The following NAGLU variants were observed in gnomAD, a reference collection of about 807,000 sequenced individuals.
NAGLU encodes the protein alpha-N-acetylglucosaminidase.
In NAGLU, 34 loss-of-function variants were observed where a neutral mutation model predicts 43.4. The ratio of observed to expected loss-of-function variants is 0.78; its 90% confidence interval spans 0.60 to 1.04. NAGLU has a LOEUF of 1.04. NAGLU is among the 50% of genes least tolerant of loss of function. NAGLU has a pLI of 0.00. For synonymous variants in NAGLU, 425 were observed against 437.6 expected, an observed-to-expected ratio of 0.97 and a Z score of 0.36; for missense variants, 910 against 993.7, an observed-to-expected ratio of 0.92 and a Z score of 1.13.
At chr17:42,536,874 G>T (rs1027743951) in intron 1 of NAGLU, 18 of 966,992 alleles carry the variant, frequency 1.9e-5, no homozygotes, top group Non-Finnish European at 1.6e-5. Context: ...CAGTGTTATT[G>T]TGAGGATTTG....
Position 42,540,728 on chromosome 17 carries a change from G to GTTGCTTGT in NAGLU, c.765-219_765-212dup, listed in dbSNP as rs1399038430. Among the ~76,000 whole-genome samples the GTTGCTTGT allele has an allele frequency of 6.6e-4, 100 of 151,372 alleles. 1 individual carries two copies. Among genetic ancestry groups the GTTGCTTGT allele is most frequent in the Non-Finnish European group, 1.1e-3 (74 of 67,826 alleles). On this transcript the variant is annotated intron_variant, in intron 4 of 5. Coordinates refer to ENST00000225927, the MANE Select transcript of NAGLU (RefSeq NM_000263.4). ...AAAAAAAAAAGAAAGAAAAAGGAGCGTTGCTTGTTTCAGGCCACAGGAAGG... is the reference window on the plus strand; with the variant it reads ...AAAAAAAAAAGAAAGAAAAAGGAGCGTTGCTTGTTTGCTTGTTTCAGGCCACAGGAAGG...
At position 42,536,555 on chromosome 17, in the gene NAGLU, G is replaced by C. The variant is rs1169121244; in HGVS notation, c.283G>C (p.Asp95His). Residue 95 changes from aspartate (D) to histidine (H), a missense_variant, in exon 1 of 6, where the codon GAC becomes CAC. Transcript: ENST00000225927. ...CGCGGGGCTGCACCGCTACCTGCGC[G>C]ACTTCTGTGGCTGCCACGTGGCCTG... is the stretch of plus-strand genomic sequence containing the variant. ...AAAGLHRYLR[D>H]FCGCHVAWSG... 5 of 1,473,634 alleles carry C rather than the reference G, an allele frequency of 3.4e-6. No individual in the cohort carries two copies. The highest frequency in any genetic ancestry group is 4.5e-6 in the Non-Finnish European group (5 of 1,118,942). 91.3% of individuals were successfully genotyped at this position (1,473,634 alleles called of 1,614,324 possible).
rs149434978 is a variant in NAGLU at position 42,541,221 on chromosome 17, T to G, written c.1021+15T>G. 67 of 1,611,302 alleles carry G rather than the reference T, an allele frequency of 4.2e-5. No individual in the cohort carries two copies. In the Admixed American group the frequency reaches 7.5e-4, roughly 18 times the overall value. On this transcript the variant is annotated intron_variant, in intron 5 of 5. Coordinates refer to ENST00000225927, the MANE Select transcript of NAGLU (RefSeq NM_000263.4). ...CATGACTGCAGGTACAGTGCCTGGG[T>G]GGGGTGGGAGAGCCCCCCAGACCCT...
At chr17:42,538,260 A>G (rs1262343553) in intron 2 of NAGLU, 79 bp from the exon 3 acceptor site, 2 of 1,606,272 alleles carry the variant, frequency 1.2e-6, no homozygotes, top group African/African-American at 1.3e-5. Context: ...ACAAAGAAGC[A>G]ATGAGTGAAT....
intron 5 of NAGLU, 149 bp from the exon 6 acceptor site, chr17:42,542,879 A>C: frequency 4.3e-6 from 5 of 1,176,196 alleles, no homozygotes; most frequent in Non-Finnish European, 6.2e-6. Flanking sequence ...TTTCAGAGGG[A>C]CGCGTATGTG....
At chr17:42,540,886 T>G (rs1010563406) in intron 4 of NAGLU, 64 bp from the exon 5 acceptor site, 2 of 1,613,448 alleles carry the variant, frequency 1.2e-6, no homozygotes, top group Non-Finnish European at 1.7e-6. Context: ...GGCAAGGCTG[T>G]TGAACACTAT....
At chr17:42,538,507 G>A in intron 3 of NAGLU, 22 bp downstream of exon 3, 1 of 1,613,796 alleles carries the variant, frequency 6.2e-7, no homozygotes. Context: ...GAAAAGGGAA[G>A]GGGCAGAATC....
rs2143098501 is a variant in NAGLU, at chr17:42,541,028, G to C, written c.843G>C (p.Leu281=). The part of the protein sequence containing the change: ...FNCSYSCSFL[L]APEDPIFPII... ...GTTCCTACTCCTGCTCCTTCCTTCT[G>C]GCTCCGGAAGACCCCATATTCCCCA... is the stretch of plus-strand genomic sequence containing the variant. Residue 281 remains leucine, a synonymous_variant, in exon 5 of 6, where the codon CTG becomes CTC. Transcript: ENST00000225927. The C allele has an allele frequency of 6.2e-7, 1 of 1,614,178 alleles. No homozygotes were observed. Among genetic ancestry groups the C allele is most frequent in the Non-Finnish European group, 8.5e-7 (1 of 1,180,040 alleles).
At position 42,536,433 on chromosome 17, in the gene NAGLU, G is replaced by A; in HGVS notation, c.161G>A (p.Arg54His). The A allele has an allele frequency of 8.0e-7, 1 of 1,254,528 alleles. No individual in the cohort carries two copies. The highest frequency in any genetic ancestry group is 1.0e-6 in the Non-Finnish European group (1 of 990,410). 77.7% of individuals were successfully genotyped at this position (1,254,528 alleles called of 1,614,324 possible). The change falls in exon 1 of 6, where the codon CGC (arginine) becomes CAC (histidine). Residue 54 changes from arginine (R) to histidine (H), a missense_variant. Arg to His is a conservative substitution (Grantham distance 29). Transcript: ENST00000225927. Reference sequence around the variant, plus strand: ...GCCGACTTCTCCGTGTCGGTGGAGCGCGCTCTGGCTGCCAAGCCGGGCTTG... The same window carrying A: ...GCCGACTTCTCCGTGTCGGTGGAGCACGCTCTGGCTGCCAAGCCGGGCTTG... ...PAADFSVSVE[R>H]ALAAKPGLDT...
intron 5 of NAGLU, among the ~76,000 whole-genome samples, chr17:42,542,614 C>T (rs890632307): frequency 6.6e-6 from 1 of 152,256 alleles, no homozygotes; most frequent in Non-Finnish European, 1.5e-5. Flanking sequence ...GTGCCTCTAC[C>T]TCCCGAGTAG....
In NAGLU at chr17:42,543,768, C is replaced by G. The variant is rs1356196663; in HGVS notation, c.1762C>G (p.Leu588Val). Residue 588 changes from leucine to valine, a missense_variant, in exon 6 of 6, where the codon CTG (leucine) becomes GTG (valine). By Grantham distance (32) the Leu-to-Val change is conservative (BLOSUM62 1). Transcript: ENST00000225927. ...EARSAYLSKE[L>V]ASLLRAGGVL... Reference sequence around the variant, plus strand: ...AAGAAGCGCCTACCTGAGCAAGGAGCTGGCCTCCCTGTTGAGGGCTGGAGG... The same window carrying G: ...AAGAAGCGCCTACCTGAGCAAGGAGGTGGCCTCCCTGTTGAGGGCTGGAGG... The G allele has an allele frequency of 6.2e-7, 1 of 1,610,602 alleles. No homozygotes were observed. The highest frequency in any genetic ancestry group is 2.2e-5 in the East Asian group (1 of 44,848).
Position 42,543,458 on chromosome 17 carries a change from G to T in NAGLU, c.1452G>T (p.Gly484=). ...CCAGCTTTGCCGCCCGGCGGTATGG[G>T]GTCTCCCACCCGGACGCAGGGGCAG... ...WVTSFAARRY[G]VSHPDAGAAW... Residue 484 remains glycine (G), a synonymous_variant, in exon 6 of 6, where the codon GGG becomes GGT. Coordinates refer to ENST00000225927, the MANE Select transcript of NAGLU (RefSeq NM_000263.4). 1 of 1,599,528 alleles carries T rather than the reference G, an allele frequency of 6.3e-7. No homozygotes were observed.
At chr17:42,536,874 G>A (rs1027743951) in intron 1 of NAGLU, 19 of 966,992 alleles carry the variant, frequency 2.0e-5, no homozygotes, top group Non-Finnish European at 2.6e-5. Context: ...CAGTGTTATT[G>A]TGAGGATTTG....
At chr17:42,537,313 CCTCTA>C in intron 1 of NAGLU, 80 bp from the exon 2 acceptor site, 1 of 1,603,052 alleles carries the variant, frequency 6.2e-7, no homozygotes, top group Non-Finnish European at 8.5e-7. Context: ...CCTCCCCTCT[CCTCTA>C]GGTGGGGGAT....
Position 42,541,307 on chromosome 17 carries a change from G to A in NAGLU, c.1021+101G>A, listed in dbSNP as rs1386430149. ...GGCAGAGGGACTGGAATAATGCCTC[G>A]CCATAACACACAGTACTTCATAGTT... is the stretch of plus-strand genomic sequence containing the variant. On this transcript the variant is annotated intron_variant, in intron 5 of 5. Coordinates refer to ENST00000225927, the MANE Select transcript of NAGLU (RefSeq NM_000263.4). 31 of 1,482,334 alleles carry A rather than the reference G, an allele frequency of 2.1e-5. 1 individual carries two copies. The East Asian group carries it at 2.3e-4, about 11-fold the overall frequency. 91.8% of individuals were successfully genotyped at this position (1,482,334 alleles called of 1,614,324 possible).
chr17:42,537,236 C>G (rs2143080629), intron 1 of NAGLU, 162 bp from the exon 2 acceptor site: 2 of 1,049,858 alleles, frequency 1.9e-6, no homozygotes, highest in Non-Finnish European at 2.8e-6. Context: ...AGCCCAGCCC[C>G]GGTACCTGGT....
chr17:42,539,589 C>T (rs1209091803), intron 4 of NAGLU, among the ~76,000 whole-genome samples: 2 of 152,258 alleles, frequency 1.3e-5, no homozygotes, highest in Admixed American at 6.5e-5. Context: ...TGGCAGGAAA[C>T]TCACTCATTC....
chr17:42,543,688 T>G lies in NAGLU; in HGVS notation c.1682T>G (p.Leu561Arg), dbSNP rs2092928624. ...ATSPAFRYDLLDLTRQAVQEL... is the reference protein window; with the variant it reads ...ATSPAFRYDLRDLTRQAVQEL... ...AGCCCCGCCTTCCGCTACGACCTGC[T>G]GGACCTCACTCGGCAGGCAGTGCAG... Residue 561 changes from leucine to arginine, a missense_variant, in exon 6 of 6, where the codon CTG (leucine) becomes CGG (arginine). By Grantham distance (102) the Leu-to-Arg change is moderately radical. Coordinates refer to ENST00000225927, the MANE Select transcript of NAGLU (RefSeq NM_000263.4). 1.2e-6 allele frequency: 2 copies of G among 1,612,946 alleles called. No individual in the cohort carries two copies. Among genetic ancestry groups the G allele is most frequent in the Non-Finnish European group, 1.7e-6 (2 of 1,180,018 alleles).
rs965655357 is a variant in NAGLU at position 42,543,467 on chromosome 17, C to T, written c.1461C>T (p.His487=). 3.1e-6 allele frequency: 5 copies of T among 1,599,278 alleles called. No individual in the cohort carries two copies. The highest frequency in any genetic ancestry group is 4.3e-6 in the Non-Finnish European group (5 of 1,174,936). Residue 487 remains histidine (H), a synonymous_variant, in exon 6 of 6, where the codon CAC becomes CAT. Transcript: ENST00000225927. ...CCGCCCGGCGGTATGGGGTCTCCCA[C>T]CCGGACGCAGGGGCAGCGTGGAGGC... ...SFAARRYGVS[H]PDAGAAWRLL...
Sources: allele counts gnomAD v4.1 joint callset (sites outside exome capture counted in the v4.1 genomes callset), GRCh38; gene constraint gnomAD v4.1.1; transcripts MANE v1.5; gene names NCBI Gene and HGNC (gene_info 2026-07-23, HGNC 2026-07-21).